Variants in DMD observed in about 807,000 individuals in gnomAD.
DMD encodes the protein dystrophin, also known as mutant dystrophin.
In DMD, 63 loss-of-function variants were observed where a neutral mutation model predicts 330.1. The observed-to-expected ratio is 0.19, with a 90% CI of 0.16 to 0.24. The LOEUF (loss-of-function observed/expected upper bound fraction) is 0.24, where lower values mean the gene tolerates loss of function less well. Among genes scored for constraint, DMD ranks in the 10% least tolerant of loss-of-function variants. DMD has a pLI of 1.00. For synonymous variants in DMD, 1,223 were observed against 959.8 expected, an observed-to-expected ratio of 1.27 and a Z score of -5.07; for missense variants, 3,344 against 2,684.1, an observed-to-expected ratio of 1.25 and a Z score of -5.43.
chrX:33,077,131 GT>G (rs1270921797), intron 1 of DMD, among the ~76,000 whole-genome samples: 1 of 110,933 alleles, frequency 9.0e-6, no homozygotes, highest in Non-Finnish European at 1.9e-5. Flanking sequence ...CTTAGGAGCA[GT>G]TTGGTGGGGG....
chrX:32,851,045 G>A (rs904007855), intron 2 of DMD, among the ~76,000 whole-genome samples: 2 of 111,930 alleles, frequency 1.8e-5, no homozygotes, highest in Non-Finnish European at 3.8e-5. Flanking sequence ...AAAACGTCAG[G>A]TGATGGGTCT....
At chrX:32,531,378 G>A (rs1439820354) in intron 17 of DMD, among the ~76,000 whole-genome samples, 1 of 111,223 alleles carries the variant, frequency 9.0e-6, no homozygotes, top group African/African-American at 3.3e-5. Context: ...ACTAATTTTT[G>A]AATGTTTAGT....
intron 60 of DMD, among the ~76,000 whole-genome samples, chrX:31,364,912 G>A (rs1176189361): frequency 1.8e-5 from 2 of 109,714 alleles, no homozygotes; most frequent in African/African-American, 3.3e-5. Context: ...CCTGGCTAAC[G>A]GTGAAACCCC....
Position 31,967,377 on chromosome X carries a change from T to C in DMD, c.6614+962A>G, listed in dbSNP as rs750322904. Among the ~76,000 whole-genome samples the C allele has an allele frequency of 8.5e-5, 9 of 106,455 alleles. No homozygotes were observed. The South Asian group carries it at 3.8e-3, about 45-fold the overall frequency. 92.4% of individuals were successfully genotyped at this position (106,455 alleles called of 115,157 possible). A position where few individuals can be genotyped will look rare whatever the true frequency, so the allele number is the denominator to read the frequency against. On this transcript the variant is annotated intron_variant, in intron 45 of 78. Transcript: ENST00000357033. ...GTGTTTAGGTCAACTAATGTGTTTATTTTGTACAAAATATGAATTGTATCT... is the reference window on the plus strand; with the variant it reads ...GTGTTTAGGTCAACTAATGTGTTTACTTTGTACAAAATATGAATTGTATCT...
At chrX:31,283,210 CTATGT>C (rs1234572438) in intron 62 of DMD, among the ~76,000 whole-genome samples, 2 of 111,345 alleles carry the variant, frequency 1.8e-5, no homozygotes, top group African/African-American at 3.3e-5. Context: ...AATTAACATG[CTATGT>C]TATAATACAA....
At chrX:32,805,786 C>A (rs772206824) in intron 7 of DMD, among the ~76,000 whole-genome samples, 1 of 112,164 alleles carries the variant, frequency 8.9e-6, no homozygotes, top group South Asian at 3.7e-4. Flanking sequence ...CAATATTCAA[C>A]ATTCTTAAAA....
chrX:32,580,657 G>C (rs938852130), intron 13 of DMD, among the ~76,000 whole-genome samples: 1 of 111,717 alleles, frequency 9.0e-6, no homozygotes, highest in African/African-American at 3.3e-5. Context: ...GATAAATCTG[G>C]AGCATGATAG....
At chrX:31,996,389 G>T (rs1221776102) in intron 44 of DMD, among the ~76,000 whole-genome samples, 1 of 111,335 alleles carries the variant, frequency 9.0e-6, no homozygotes, top group African/African-American at 3.3e-5. Flanking sequence ...TTATTCAGTG[G>T]TCATTATTCC....
At chrX:31,324,656 A>C (rs1569526392) in intron 61 of DMD, among the ~76,000 whole-genome samples, 1 of 111,729 alleles carries the variant, frequency 9.0e-6, no homozygotes, top group Non-Finnish European at 1.9e-5. Context: ...TAGCAACTTT[A>C]TGTGTCTATA....
chrX:32,106,608 C>T, intron 44 of DMD, among the ~76,000 whole-genome samples: 1 of 111,543 alleles, frequency 9.0e-6, no homozygotes, highest in African/African-American at 3.2e-5. Context: ...TTTTATCAGG[C>T]ATTTATTATT....
chrX:32,283,960 T>A (rs2148435540), intron 43 of DMD, among the ~76,000 whole-genome samples: 1 of 111,575 alleles, frequency 9.0e-6, no homozygotes, highest in South Asian at 3.8e-4. Context: ...TTAGATACTT[T>A]TTTTTTGCAG....
intron 54 of DMD, among the ~76,000 whole-genome samples, chrX:31,651,874 C>T (rs2148578282): frequency 8.9e-6 from 1 of 111,802 alleles, no homozygotes; most frequent in East Asian, 2.8e-4. Flanking sequence ...TCTGTTTAGT[C>T]TATTGTAACA....
chrX:31,670,506 C>A (rs1024239898), intron 53 of DMD, among the ~76,000 whole-genome samples: 10 of 111,920 alleles, frequency 8.9e-5, no homozygotes. Flanking sequence ...TCACAATTTG[C>A]GTAGCTGGGT....
intron 1 of DMD, among the ~76,000 whole-genome samples, chrX:33,206,938 G>A (rs2051609587): frequency 9.1e-6 from 1 of 110,025 alleles, no homozygotes. Flanking sequence ...TGTGCCATAG[G>A]GGTTTGCTGT....
At chrX:33,020,293 A>AAT in intron 1 of DMD, 93 bp from the exon 2 acceptor site, 2 of 625,490 alleles carry the variant, frequency 3.2e-6, no homozygotes, top group Non-Finnish European at 5.0e-6. Context: ...ATGATGTGTT[A>AAT]GTGTTTTTTT....
At chrX:32,512,986 G>A (rs916417857) in intron 18 of DMD, among the ~76,000 whole-genome samples, 1 of 111,816 alleles carries the variant, frequency 8.9e-6, no homozygotes, top group Non-Finnish European at 1.9e-5. Flanking sequence ...GCTGTGTTTA[G>A]TAAAGAAGCA....
chrX:32,997,211 G>A (rs768514360), intron 2 of DMD, among the ~76,000 whole-genome samples: 5 of 108,965 alleles, frequency 4.6e-5, no homozygotes, highest in African/African-American at 1.3e-4. Flanking sequence ...TACACTGTAG[G>A]TGTATAAATT....
chrX:31,321,102 T>G (rs1029463407), intron 62 of DMD, among the ~76,000 whole-genome samples: 6 of 111,848 alleles, frequency 5.4e-5, no homozygotes, highest in African/African-American at 2.0e-4. Flanking sequence ...TTCCTGTTTT[T>G]TAAAGTAAGA....
chrX:32,856,257 CA>C lies in DMD; in HGVS notation c.94-6438del, dbSNP rs750435127. Among the ~76,000 whole-genome samples, 258 of 111,324 alleles carry C rather than the reference CA, an allele frequency of 2.3e-3. 2 individuals are homozygous for C. Among genetic ancestry groups the C allele is most frequent in the African/African-American group, 8.1e-3 (247 of 30,604 alleles). On this transcript the variant is annotated intron_variant, in intron 2 of 78. Coordinates refer to ENST00000357033, the MANE Select transcript of DMD (RefSeq NM_004006.3). ...CTGTGAAGAACTGTTTGAGGTTCTT[CA>C]AAAAAACTGAAAACAGAACTACCAT...
Sources: allele counts gnomAD v4.1 joint callset (sites outside exome capture counted in the v4.1 genomes callset), GRCh38; gene constraint gnomAD v4.1.1; transcripts MANE v1.5; gene names NCBI Gene and HGNC (gene_info 2026-07-23, HGNC 2026-07-21).